Variants in PTPRD observed in about 807,000 individuals in gnomAD.
PTPRD encodes protein tyrosine phosphatase receptor type D.
In PTPRD, 34 loss-of-function variants were observed where a neutral mutation model predicts 214.5. The ratio of observed to expected loss-of-function variants is 0.16; its 90% confidence interval spans 0.12 to 0.21. The LOEUF is 0.21. Ranked by LOEUF, PTPRD falls within the 10% of genes least tolerant of loss-of-function variation. PTPRD has a pLI of 1.00. For synonymous variants in PTPRD, 1,128 were observed against 845.7 expected, an observed-to-expected ratio of 1.33 and a Z score of -5.79; for missense variants, 2,545 against 2,398.7, an observed-to-expected ratio of 1.06 and a Z score of -1.27.
chr9:10,427,641 G>C (rs754437328), intron 2 of PTPRD, among the ~76,000 whole-genome samples: 4 of 152,066 alleles, frequency 2.6e-5, no homozygotes, highest in Non-Finnish European at 4.4e-5. Context: ...ATCAAAGCCT[G>C]AGCGGACATG....
At chr9:10,343,210 G>T (rs368381576) in intron 2 of PTPRD, among the ~76,000 whole-genome samples, 4 of 151,550 alleles carry the variant, frequency 2.6e-5, no homozygotes, top group African/African-American at 9.7e-5. Flanking sequence ...TCCCACCTAT[G>T]AGTGAGAACG....
chr9:8,454,550 C>T lies in PTPRD; in HGVS notation c.3876-4713G>A, dbSNP rs1228045674. ...ACCAGTTTATTTTTTTCTTACTGAA[C>T]ATTAAAGGGGTTTGTTCTCTATTCC... On this transcript the variant is annotated intron_variant, in intron 33 of 45. Transcript: ENST00000381196. 2.5e-6 allele frequency: 4 copies of T among 1,611,874 alleles called. No individual in the cohort carries two copies. In the South Asian group the frequency reaches 3.3e-5, roughly 13 times the overall value.
chr9:8,969,414 T>C (rs756791267), intron 11 of PTPRD, among the ~76,000 whole-genome samples: 2 of 152,088 alleles, frequency 1.3e-5, no homozygotes, highest in Non-Finnish European at 2.9e-5. Context: ...AAAGGATTCA[T>C]ATGCACAGAA....
At chr9:9,081,823 CTT>C (rs201454000) in intron 10 of PTPRD, among the ~76,000 whole-genome samples, 1,420 of 137,426 alleles carry the variant, frequency 0.01, 21 homozygotes, top group African/African-American at 0.034. Context: ...GCAACTCCTG[CTT>C]TTTTTTTTTT....
intron 10 of PTPRD, among the ~76,000 whole-genome samples, chr9:9,175,215 C>T (rs1288562127): frequency 2.6e-5 from 4 of 152,090 alleles, no homozygotes; most frequent in Non-Finnish European, 2.9e-5. Flanking sequence ...TTTTCTAAAA[C>T]GTTGTCTTTC....
intron 8 of PTPRD, among the ~76,000 whole-genome samples, chr9:9,541,923 C>T (rs1569569136): frequency 6.6e-6 from 1 of 151,476 alleles, no homozygotes. Context: ...AAGATAATGA[C>T]TCAAGATTCT....
intron 10 of PTPRD, among the ~76,000 whole-genome samples, chr9:9,039,235 A>G (rs961597032): frequency 1.1e-4 from 17 of 152,326 alleles, no homozygotes; most frequent in African/African-American, 3.8e-4. Context: ...GAACTTGTCA[A>G]TCAGAAGGAC....
In PTPRD at chr9:8,537,256, C is replaced by T. The variant is rs1002276496; in HGVS notation, c.353-8477G>A. ...CTCTTGGGCCATTATCGAAATGTTACGCATATGAATAAAATTGAAAAAATC... is the reference window on the plus strand; with the variant it reads ...CTCTTGGGCCATTATCGAAATGTTATGCATATGAATAAAATTGAAAAAATC... On this transcript the variant is annotated intron_variant, in intron 14 of 45. Coordinates refer to ENST00000381196, the MANE Select transcript of PTPRD (RefSeq NM_002839.4). Among the ~76,000 whole-genome samples the T allele has an allele frequency of 3.3e-4, 50 of 151,920 alleles. 1 individual carries two copies. The highest frequency in any genetic ancestry group is 1.1e-3 in the African/African-American group (47 of 41,470).
intron 12 of PTPRD, among the ~76,000 whole-genome samples, chr9:8,693,175 T>C (rs1408260343): frequency 1.3e-5 from 2 of 152,214 alleles, no homozygotes; most frequent in Non-Finnish European, 2.9e-5. Flanking sequence ...TTTTTTCCAC[T>C]GTCTCTCAGT....
Position 10,380,577 on chromosome 9 carries a change from C to T in PTPRD, c.-599-39560G>A, listed in dbSNP as rs74751118. On this transcript the variant is annotated intron_variant, in intron 2 of 45. Transcript: ENST00000381196. The stretch of plus-strand genomic sequence containing the variant: ...TGAAACAAAAAGTGCCATCATGTGT[C>T]CCACAGTTTTTATTCAAAAGGAAAG... Among the ~76,000 whole-genome samples, 361 of 152,112 alleles carry T rather than the reference C, an allele frequency of 2.4e-3. 3 individuals are homozygous for T. The highest frequency in any genetic ancestry group is 0.017 in the Admixed American group (254 of 15,248).
intron 9 of PTPRD, among the ~76,000 whole-genome samples, chr9:9,371,444 G>A (rs1569567776): frequency 6.6e-6 from 1 of 152,030 alleles, no homozygotes; most frequent in Non-Finnish European, 1.5e-5. Flanking sequence ...TATTTCTGTG[G>A]GATCGGTGGT....
chr9:8,584,956 T>C (rs10977221), intron 14 of PTPRD, among the ~76,000 whole-genome samples: 16,042 of 152,178 alleles, frequency 0.11, 973 homozygotes, highest in East Asian at 0.2. Context: ...TGAGACCTCA[T>C]TCACTATCAT....
At chr9:9,229,521 C>T (rs1232548599) in intron 9 of PTPRD, among the ~76,000 whole-genome samples, 1 of 152,122 alleles carries the variant, frequency 6.6e-6, no homozygotes, top group Non-Finnish European at 1.5e-5. Context: ...AAGCTTAGAT[C>T]ATGTGTCCTC....
chr9:9,959,696 A>G (rs1448459875), intron 4 of PTPRD, among the ~76,000 whole-genome samples: 2 of 152,210 alleles, frequency 1.3e-5, no homozygotes, highest in Non-Finnish European at 2.9e-5. Flanking sequence ...TTGAGTTGAT[A>G]AAGTTGTTTT....
chr9:9,132,453 A>G (rs971758324), intron 10 of PTPRD, among the ~76,000 whole-genome samples: 2 of 152,226 alleles, frequency 1.3e-5, no homozygotes, highest in Non-Finnish European at 2.9e-5. Flanking sequence ...TTATGCATTG[A>G]AAGTCTTCTT....
chr9:9,283,831 C>A (rs1251750365), intron 9 of PTPRD, among the ~76,000 whole-genome samples: 1 of 151,666 alleles, frequency 6.6e-6, no homozygotes, highest in African/African-American at 2.4e-5. Context: ...ATAGCCCAAA[C>A]TGAATAATTC....
intron 7 of PTPRD, among the ~76,000 whole-genome samples, chr9:9,653,607 A>G (rs914924708): frequency 6.6e-6 from 1 of 152,164 alleles, no homozygotes; most frequent in African/African-American, 2.4e-5. Context: ...GTGGTTAGAA[A>G]CATTACTGAA....
At chr9:10,100,355 T>G (rs543099455) in intron 3 of PTPRD, among the ~76,000 whole-genome samples, 1 of 151,804 alleles carries the variant, frequency 6.6e-6, no homozygotes, top group Admixed American at 6.6e-5. Context: ...CAAGTTCAAA[T>G]GGGTAGAAAG....
chr9:10,379,590 T>A (rs1156307211), intron 2 of PTPRD, among the ~76,000 whole-genome samples: 10 of 152,092 alleles, frequency 6.6e-5, no homozygotes, highest in Non-Finnish European at 2.9e-5. Flanking sequence ...GAAATTCTAC[T>A]GTAAGTATTT....
Sources: allele counts gnomAD v4.1 joint callset (sites outside exome capture counted in the v4.1 genomes callset), GRCh38; gene constraint gnomAD v4.1.1; transcripts MANE v1.5; gene names NCBI Gene and HGNC (gene_info 2026-07-23, HGNC 2026-07-21).